Variants in NRCAM observed in about 807,000 individuals in gnomAD.
NRCAM encodes NgCAM-related cell adhesion molecule.
A neutral mutation model predicts 156.5 loss-of-function variants in NRCAM; 83 were observed. That is an observed-to-expected ratio of 0.53 (90% confidence interval 0.44 to 0.64). The LOEUF (loss-of-function observed/expected upper bound fraction) is 0.64. NRCAM is among the 30% of genes least tolerant of loss of function. The pLI is 0.00. For missense variants in NRCAM, 1,417 were observed against 1,597.3 expected, an observed-to-expected ratio of 0.89 and a Z score of 1.92; for synonymous variants, 538 against 563.9, an observed-to-expected ratio of 0.95 and a Z score of 0.65.
At chr7:108,180,513 C>T in intron 24 of NRCAM, 86 bp from the exon 25 acceptor site, 1 of 1,077,200 alleles carries the variant, frequency 9.3e-7, no homozygotes, top group Non-Finnish European at 1.4e-6. Flanking sequence ...GTTGTTTTTC[C>T]AGAAAATTCC....
At chr7:108,238,737 G>A (rs892688093) in intron 4 of NRCAM, among the ~76,000 whole-genome samples, 6 of 152,036 alleles carry the variant, frequency 3.9e-5, no homozygotes, top group African/African-American at 1.4e-4. Flanking sequence ...CCACTCCAAT[G>A]GGCTTAAGCA....
intron 1 of NRCAM, among the ~76,000 whole-genome samples, chr7:108,432,907 GAGAGAAAGAGAAAGAGAAAGAGGAGAA>G (rs2154465583): frequency 6.7e-6 from 1 of 150,228 alleles, no homozygotes; most frequent in South Asian, 2.1e-4. Context: ...AAGAGAGAGA[GAGAGAAAGAGAAAGAGAAAGAGGAGAA>G]AGAGAAAGAG....
At chr7:108,405,970 T>TAA (rs1554614177) in intron 1 of NRCAM, among the ~76,000 whole-genome samples, 7 of 149,568 alleles carry the variant, frequency 4.7e-5, no homozygotes, top group South Asian at 2.1e-4. Context: ...TTTTTTTTTT[T>TAA]AATTTAAAAA....
intron 2 of NRCAM, among the ~76,000 whole-genome samples, chr7:108,357,484 C>G (rs1419129673): frequency 6.6e-6 from 1 of 152,080 alleles, no homozygotes; most frequent in Non-Finnish European, 1.5e-5. Flanking sequence ...GTGCCTGCCA[C>G]CACGACTGGC....
intron 2 of NRCAM, among the ~76,000 whole-genome samples, chr7:108,341,106 A>T (rs1235823997): frequency 6.6e-6 from 1 of 152,186 alleles, no homozygotes; most frequent in African/African-American, 2.4e-5. Context: ...AGATTGTCCA[A>T]ATACAAATAA....
intron 4 of NRCAM, among the ~76,000 whole-genome samples, chr7:108,239,569 G>T (rs905069859): frequency 6.6e-6 from 1 of 152,070 alleles, no homozygotes; most frequent in Non-Finnish European, 1.5e-5. Context: ...AGTGGTGAAG[G>T]GATGAGTGGG....
intron 2 of NRCAM, among the ~76,000 whole-genome samples, chr7:108,364,816 T>G (rs1595220291): frequency 9.0e-6 from 1 of 111,544 alleles, no homozygotes; most frequent in African/African-American, 3.6e-5. Flanking sequence ...GGTAGCTTAG[T>G]GGTTGCAGAG....
chr7:108,324,877 C>CATTTTTTTTTTTTTTTTTTTTTTTT (rs201240389), intron 2 of NRCAM, among the ~76,000 whole-genome samples: 4 of 82,676 alleles, frequency 4.8e-5, no homozygotes, highest in Non-Finnish European at 4.6e-5. Flanking sequence ...TGGCACTGTA[C>CATTTTTTTTTTTTTTTTTTTTTTTT]TTTTTTTTTT....
intron 3 of NRCAM, among the ~76,000 whole-genome samples, chr7:108,293,163 A>ACTGCACCCCCTGTGC (rs1349422942): frequency 6.6e-6 from 1 of 152,080 alleles, no homozygotes. Context: ...CCTTGTGATT[A>ACTGCACCCCCTGTGC]ATTAACAGCC....
At chr7:108,394,624 A>C (rs2099771946) in intron 2 of NRCAM, among the ~76,000 whole-genome samples, 1 of 152,196 alleles carries the variant, frequency 6.6e-6, no homozygotes, top group African/African-American at 2.4e-5. Context: ...AAGGAGGGGA[A>C]ACAGAAAAGG....
At chr7:108,261,315 C>G (rs1355107753) in intron 3 of NRCAM, among the ~76,000 whole-genome samples, 1 of 152,172 alleles carries the variant, frequency 6.6e-6, no homozygotes, top group African/African-American at 2.4e-5. Flanking sequence ...CCAAGCACTG[C>G]TCTCTTTGTT....
chr7:108,429,085 GT>G (rs1320746967), intron 1 of NRCAM, among the ~76,000 whole-genome samples: 1 of 152,082 alleles, frequency 6.6e-6, no homozygotes, highest in African/African-American at 2.4e-5. Flanking sequence ...TTCTATATAT[GT>G]CCTTAATTGA....
rs1484355802 is a variant in NRCAM, at chr7:108,147,874, G to A, written c.*2036C>T. The A allele has an allele frequency of 6.6e-6, 1 of 152,632 alleles. No homozygotes were observed. Among genetic ancestry groups the A allele is most frequent in the East Asian group, 1.9e-4 (1 of 5,200 alleles). The allele number at this position is 152,632 out of a possible 1,614,324, so 9.5% of individuals were successfully genotyped here. A position where few individuals can be genotyped will look rare whatever the true frequency, so the allele number is the denominator to read the frequency against. ...GATAAATTTCGCATCTACCAGTATG[G>A]AAGAGGAAAAAATGTAGTTTTATTG... On this transcript the variant is annotated 3_prime_UTR_variant, in exon 33 of 33. Coordinates refer to ENST00000379028, the MANE Select transcript of NRCAM (RefSeq NM_001037132.4).
chr7:108,207,580 A>G lies in NRCAM; in HGVS notation c.1155T>C (p.Asn385=). Residue 385 remains asparagine, a synonymous_variant, in exon 13 of 33, where the codon AAT becomes AAC. Transcript: ENST00000379028. ...GEDGTLICRA[N]GNPKPRISWL... is the part of the protein sequence containing the mutation. ...AGCTAATTCTGGGTTTGGGGTTGCC[A>G]TTAGCTCTGCAGATCAAGGTCCCAT... The G allele has an allele frequency of 6.2e-7, 1 of 1,614,032 alleles. No individual in the cohort carries two copies. Among genetic ancestry groups the G allele is most frequent in the Non-Finnish European group, 8.5e-7 (1 of 1,179,908 alleles).
chr7:108,350,226 A>G (rs1368510176), intron 2 of NRCAM, among the ~76,000 whole-genome samples: 3 of 152,140 alleles, frequency 2.0e-5, no homozygotes, highest in Non-Finnish European at 4.4e-5. Flanking sequence ...TCTGGTGTTT[A>G]TTTATCATCT....
chr7:108,252,178 T>C (rs1165424365), intron 3 of NRCAM, among the ~76,000 whole-genome samples: 1 of 152,140 alleles, frequency 6.6e-6, no homozygotes, highest in African/African-American at 2.4e-5. Flanking sequence ...GTATTGGGTG[T>C]GGGTGTTGCT....
chr7:108,245,695 A>G (rs956835457), intron 3 of NRCAM, among the ~76,000 whole-genome samples: 1 of 152,196 alleles, frequency 6.6e-6, no homozygotes, highest in Non-Finnish European at 1.5e-5. Context: ...AAGAAACATA[A>G]AAATATATTA....
chr7:108,229,819 T>C (rs779688099), intron 8 of NRCAM, among the ~76,000 whole-genome samples: 4 of 152,132 alleles, frequency 2.6e-5, no homozygotes, highest in African/African-American at 9.7e-5. Flanking sequence ...CGCTGACCTA[T>C]TGGCACAGGA....
At chr7:108,232,978 C>G (rs1383970427) in intron 6 of NRCAM, among the ~76,000 whole-genome samples, 2 of 152,160 alleles carry the variant, frequency 1.3e-5, no homozygotes, top group African/African-American at 4.8e-5. Context: ...AGACAAATTT[C>G]AAGTTACCAA....
Sources: gnomAD v4.1 joint callset for allele counts (sites outside exome capture counted in the v4.1 genomes callset) on GRCh38, gnomAD v4.1.1 for gene constraint, MANE v1.5 for transcripts, NCBI Gene and HGNC (gene_info 2026-07-23, HGNC 2026-07-21) for gene names.